The following KDM4C variants were observed in gnomAD, a reference collection of about 807,000 sequenced individuals.
KDM4C encodes lysine-specific demethylase 4C.
KDM4C carries 81 observed loss-of-function variants against 129.3 expected under a neutral mutation model. The ratio of observed to expected loss-of-function variants is 0.63; its 90% CI spans 0.52 to 0.75. KDM4C has a LOEUF of 0.75. KDM4C is among the 30% of genes least tolerant of loss of function. KDM4C has a pLI of 0.00. For synonymous variants in KDM4C, 573 were observed against 456.1 expected (o/e 1.26, Z -3.26); for missense variants, 1,457 against 1,304.0 (o/e 1.12, Z -1.81).
At chr9:6,779,330 A>C (rs1027180796) in intron 1 of KDM4C, among the ~76,000 whole-genome samples, 9 of 152,154 alleles carry the variant, frequency 5.9e-5, no homozygotes, top group Non-Finnish European at 1.3e-4. Context: ...AAAGTCTTTT[A>C]ATATGAAAAG....
intron 12 of KDM4C, among the ~76,000 whole-genome samples, chr9:7,003,038 G>T (rs1382225370): frequency 6.6e-6 from 1 of 152,110 alleles, no homozygotes; most frequent in Non-Finnish European, 1.5e-5. Context: ...TGTTTGTATT[G>T]TATTTTTGGT....
chr9:6,994,021 A>T (rs1043552200), intron 12 of KDM4C, among the ~76,000 whole-genome samples: 1 of 151,828 alleles, frequency 6.6e-6, no homozygotes. Flanking sequence ...TTTTCCATGG[A>T]TGGGGCAGGG....
intron 4 of KDM4C, among the ~76,000 whole-genome samples, chr9:6,826,981 G>A (rs1007092495): frequency 1.3e-5 from 2 of 152,122 alleles, no homozygotes; most frequent in African/African-American, 2.4e-5. Context: ...GGGTGGAGGC[G>A]GGAGAGTATG....
intron 13 of KDM4C, 65 bp from the exon 14 acceptor site, chr9:7,013,723 G>T (rs981093064): frequency 2.0e-6 from 3 of 1,478,546 alleles, no homozygotes; most frequent in South Asian, 2.4e-5. Context: ...TAGTGGATTT[G>T]AGTGACTAGA....
At chr9:6,928,618 A>AATG (rs1193262412) in intron 8 of KDM4C, among the ~76,000 whole-genome samples, 1 of 151,362 alleles carries the variant, frequency 6.6e-6, no homozygotes, top group Non-Finnish European at 1.5e-5. Context: ...TTTTAATAAT[A>AATG]ATGGCATCAC....
intron 3 of KDM4C, among the ~76,000 whole-genome samples, chr9:6,808,153 A>G (rs1830476086): frequency 1.7e-5 from 1 of 57,242 alleles, no homozygotes; most frequent in African/African-American, 1.2e-4. Context: ...CTGGGAAGTG[A>G]GGAGCTCCTC....
intron 1 of KDM4C, among the ~76,000 whole-genome samples, chr9:6,736,749 A>G (rs1817538610): frequency 6.6e-6 from 1 of 152,204 alleles, no homozygotes; most frequent in Non-Finnish European, 1.5e-5. Flanking sequence ...ATACAAAATC[A>G]GTATACAGAA....
At chr9:6,811,777 T>G (rs1411963877) in intron 3 of KDM4C, among the ~76,000 whole-genome samples, 1 of 152,126 alleles carries the variant, frequency 6.6e-6, no homozygotes, top group Non-Finnish European at 1.5e-5. Flanking sequence ...GGCTTATGAA[T>G]GGAAGCCTGA....
chr9:7,080,389 G>C (rs1027077382), intron 17 of KDM4C, among the ~76,000 whole-genome samples: 1 of 152,148 alleles, frequency 6.6e-6, no homozygotes, highest in Admixed American at 6.6e-5. Context: ...CTATTTGCCA[G>C]CCCAGTACTG....
rs1449455620 is a variant in KDM4C, at chr9:6,834,499, G to T, written c.436-15008G>T. 31 of 637,158 alleles carry T rather than the reference G, an allele frequency of 4.9e-5. No individual in the cohort carries two copies. The East Asian group carries it at 9.4e-4, about 19-fold the overall frequency. The allele number at this position is 637,158 out of a possible 1,614,324, so 39.5% of individuals were successfully genotyped here. A position where few individuals can be genotyped will look rare whatever the true frequency, so the allele number is the denominator to read the frequency against. On this transcript the variant is annotated intron_variant, in intron 4 of 21. Coordinates refer to ENST00000381309, the MANE Select transcript of KDM4C (RefSeq NM_015061.6). ...ACGCCCGTCGTCGACAACGGCTCCG[G>T]CATGTGGAAGGCTGGCTTCGCAGGT...
In KDM4C at chr9:6,858,774, C is replaced by A. The variant is rs115495149; in HGVS notation, c.629+9074C>A. Among the ~76,000 whole-genome samples, 231 of 150,340 alleles carry A rather than the reference C, an allele frequency of 1.5e-3. 1 individual carries two copies. Among genetic ancestry groups the A allele is most frequent in the South Asian group, 5.2e-3 (25 of 4,780 alleles). ...GTGACAGAGTGATTTTGTCTCCCCC[C>A]CCGGCAAAAAAAAAAAATTACTATG... On this transcript the variant is annotated intron_variant, in intron 5 of 21. Transcript: ENST00000381309.
intron 4 of KDM4C, among the ~76,000 whole-genome samples, chr9:6,817,402 C>T (rs1339327247): frequency 2.0e-5 from 3 of 152,032 alleles, no homozygotes; most frequent in Admixed American, 1.3e-4. Flanking sequence ...ACAGGGTCTT[C>T]CTATGTTGCC....
intron 19 of KDM4C, among the ~76,000 whole-genome samples, chr9:7,132,995 G>T (rs1346279540): frequency 6.6e-6 from 1 of 152,196 alleles, no homozygotes; most frequent in African/African-American, 2.4e-5. Context: ...TACTCTTCAA[G>T]ATTCTGGGGG....
In KDM4C at chr9:6,986,479, C is replaced by T. The variant is rs1817728934; in HGVS notation, c.1490C>T (p.Pro497Leu). 1 of 1,613,932 alleles carries T rather than the reference C, an allele frequency of 6.2e-7. No homozygotes were observed. The highest frequency in any genetic ancestry group is 8.5e-7 in the Non-Finnish European group (1 of 1,179,998). Residue 497 changes from proline (P) to leucine (L), a missense_variant, in exon 11 of 22, where the codon CCC becomes CTC. Transcript: ENST00000381309. Reference sequence around the variant, plus strand: ...CCATTGTCTAGTGGCTATGAGAAGCCCGAGAAATCAGACCCATCCGAGCTT... The same window carrying T: ...CCATTGTCTAGTGGCTATGAGAAGCTCGAGAAATCAGACCCATCCGAGCTT... Reference protein sequence around the residue: ...SIPLSSGYEKPEKSDPSELSW... With the variant: ...SIPLSSGYEKLEKSDPSELSW...
At chr9:7,105,266 T>C (rs1344495676) in intron 18 of KDM4C, 5 of 328,636 alleles carry the variant, frequency 1.5e-5, no homozygotes, top group Non-Finnish European at 3.1e-5. Flanking sequence ...TCGTGACCTC[T>C]GAAGTCAGAG....
chr9:6,988,291 A>G (rs966702221), intron 11 of KDM4C, among the ~76,000 whole-genome samples: 7 of 151,732 alleles, frequency 4.6e-5, no homozygotes, highest in Non-Finnish European at 1.0e-4. Context: ...AGTTATTTTT[A>G]GCGACCTTCT....
In KDM4C at chr9:6,911,193, A is replaced by G. The variant is rs373830038; in HGVS notation, c.921+17961A>G. The stretch of plus-strand genomic sequence containing the variant: ...TAAAATTATGTATAGCTCTATTAAT[A>G]AAAAACTTTTATGCCATCACTTAGA... On this transcript the variant is annotated intron_variant, in intron 8 of 21. Coordinates refer to ENST00000381309, the MANE Select transcript of KDM4C (RefSeq NM_015061.6). 3.8e-4 allele frequency among the ~76,000 whole-genome samples: 58 copies of G among 152,342 alleles called. No homozygotes were observed. The East Asian group carries it at 7.3e-3, about 19-fold the overall frequency.
chr9:7,015,250 T>G (rs568122437), intron 14 of KDM4C, among the ~76,000 whole-genome samples: 1 of 152,272 alleles, frequency 6.6e-6, no homozygotes, highest in South Asian at 2.1e-4. Context: ...AAATTACTCA[T>G]TTAAATATTT....
At chr9:6,907,530 C>T (rs1311254292) in intron 8 of KDM4C, among the ~76,000 whole-genome samples, 2 of 152,118 alleles carry the variant, frequency 1.3e-5, no homozygotes, top group Non-Finnish European at 2.9e-5. Context: ...AAATTTGTTT[C>T]CTCCAGAATA....
Sources: gnomAD v4.1 joint callset for allele counts (sites outside exome capture counted in the v4.1 genomes callset) on GRCh38, gnomAD v4.1.1 for gene constraint, MANE v1.5 for transcripts, NCBI Gene and HGNC (gene_info 2026-07-23, HGNC 2026-07-21) for gene names.